The following USP34 variants were observed in gnomAD, a reference collection of about 807,000 sequenced individuals.
USP34 encodes the protein ubiquitin specific peptidase 34.
USP34 carries 70 observed loss-of-function variants against 460.3 expected under a neutral mutation model. The ratio of observed to expected loss-of-function variants is 0.15; its 90% CI spans 0.13 to 0.19. USP34 has a LOEUF of 0.19. Among genes scored for constraint, USP34 ranks in the 10% least tolerant of loss-of-function variants. The pLI, the probability that USP34 is intolerant of heterozygous loss-of-function variation, is 1.00. For missense variants in USP34, 3,985 were observed against 4,236.2 expected, an observed-to-expected ratio of 0.94 and a Z score of 1.65; for synonymous variants, 1,647 against 1,405.3, an observed-to-expected ratio of 1.17 and a Z score of -3.85.
At chr2:61,448,105 C>G (rs180674419) in intron 1 of USP34, among the ~76,000 whole-genome samples, 1 of 152,322 alleles carries the variant, frequency 6.6e-6, no homozygotes, top group Non-Finnish European at 1.5e-5. Flanking sequence ...ATGCCACTGT[C>G]TTTCTTCATA....
chr2:61,198,874 GTTTGC>G (rs1056006299), intron 75 of USP34, among the ~76,000 whole-genome samples: 1 of 151,868 alleles, frequency 6.6e-6, no homozygotes, highest in Non-Finnish European at 1.5e-5. Flanking sequence ...GTCTCAAATT[GTTTGC>G]TTTATTAGTA....
intron 27 of USP34, among the ~76,000 whole-genome samples, chr2:61,308,617 A>G (rs904028662): frequency 6.6e-6 from 1 of 152,226 alleles, no homozygotes; most frequent in Non-Finnish European, 1.5e-5. Flanking sequence ...TGCCAAACTG[A>G]AAGGGTCCAG....
intron 8 of USP34, among the ~76,000 whole-genome samples, chr2:61,371,300 C>T (rs1572976817): frequency 6.6e-6 from 1 of 151,852 alleles, no homozygotes; most frequent in African/African-American, 2.4e-5. Flanking sequence ...CATGTACATA[C>T]AGTATATAAT....
intron 8 of USP34, among the ~76,000 whole-genome samples, chr2:61,376,979 T>C (rs573965274): frequency 9.2e-5 from 14 of 152,350 alleles, no homozygotes; most frequent in African/African-American, 2.4e-4. Context: ...GGATATCGTC[T>C]ACATAATGTC....
At chr2:61,283,314 A>G (rs1689590346) in intron 36 of USP34, 45 bp from the exon 37 acceptor site, 1 of 1,594,028 alleles carries the variant, frequency 6.3e-7, no homozygotes, top group Admixed American at 1.7e-5. Context: ...GGTTTGTGCT[A>G]AAATGAAAAC....
chr2:61,324,987 C>G (rs1173849271), intron 21 of USP34, among the ~76,000 whole-genome samples: 1 of 152,016 alleles, frequency 6.6e-6, no homozygotes, highest in Non-Finnish European at 1.5e-5. Context: ...AGTGAACTAA[C>G]TCAGAAACAG....
At chr2:61,447,727 T>C (rs1297588191) in intron 1 of USP34, among the ~76,000 whole-genome samples, 2 of 152,178 alleles carry the variant, frequency 1.3e-5, no homozygotes, top group African/African-American at 2.4e-5. Flanking sequence ...TTTATTTATT[T>C]ATTTATTTGA....
At chr2:61,353,282 C>T (rs1692001684) in intron 10 of USP34, among the ~76,000 whole-genome samples, 1 of 151,980 alleles carries the variant, frequency 6.6e-6, no homozygotes, top group South Asian at 2.1e-4. Context: ...GAAATGATTA[C>T]TAGAGGTCTT....
intron 27 of USP34, among the ~76,000 whole-genome samples, chr2:61,304,294 T>C (rs1247637317): frequency 1.3e-5 from 2 of 152,220 alleles, no homozygotes; most frequent in Non-Finnish European, 2.9e-5. Flanking sequence ...CATGATTAAT[T>C]GCTACTCTAA....
intron 2 of USP34, among the ~76,000 whole-genome samples, chr2:61,410,313 T>C (rs768722819): frequency 1.3e-5 from 2 of 152,192 alleles, no homozygotes; most frequent in Non-Finnish European, 2.9e-5. Context: ...GTGTGCAACC[T>C]AGATCCCTCA....
chr2:61,362,837 A>G (rs1446214819), intron 10 of USP34, among the ~76,000 whole-genome samples: 1 of 152,226 alleles, frequency 6.6e-6, no homozygotes, highest in Non-Finnish European at 1.5e-5. Flanking sequence ...ATGCACATTA[A>G]AACATCAAGT....
chr2:61,378,411 G>A lies in USP34; in HGVS notation c.1028C>T (p.Thr343Ile). Residue 343 changes from threonine (T) to isoleucine (I), a missense_variant, in exon 8 of 80, where the codon ACC (threonine) becomes ATC (isoleucine). By Grantham distance (89) the Thr-to-Ile change is moderately conservative (BLOSUM62 -1). Transcript: ENST00000398571. ...GLSQITNQLH[T>I]FNDVCNNESL... ...TTCATTATTGCACACATCATTGAAG[G>A]TATGGAGTTGATTCTATGATTAAAG... is the stretch of plus-strand genomic sequence containing the variant. The A allele has an allele frequency of 6.3e-7, 1 of 1,589,748 alleles. No individual in the cohort carries two copies. Among genetic ancestry groups the A allele is most frequent in the Non-Finnish European group, 8.5e-7 (1 of 1,172,348 alleles).
At chr2:61,447,072 T>C (rs1033475353) in intron 1 of USP34, among the ~76,000 whole-genome samples, 2 of 151,796 alleles carry the variant, frequency 1.3e-5, no homozygotes. Context: ...GTAGCTAACA[T>C]GGTGAAACAC....
intron 16 of USP34, among the ~76,000 whole-genome samples, chr2:61,343,365 C>G (rs1462783218): frequency 6.6e-6 from 1 of 152,048 alleles, no homozygotes; most frequent in African/African-American, 2.4e-5. Flanking sequence ...CTCGCCCCTC[C>G]TTATTCCCTC....
intron 41 of USP34, among the ~76,000 whole-genome samples, chr2:61,272,881 G>A (rs1689257736): frequency 6.6e-6 from 1 of 152,168 alleles, no homozygotes; most frequent in Non-Finnish European, 1.5e-5. Flanking sequence ...ATTACTTGCA[G>A]ATGATTGTGA....
At chr2:61,265,588 C>A (rs767622753) in intron 42 of USP34, 31 bp from the exon 43 acceptor site, 26 of 1,569,734 alleles carry the variant, frequency 1.7e-5, no homozygotes, top group Non-Finnish European at 2.2e-5. Context: ...AAAAGATCCC[C>A]CCCAAACAAA....
Position 61,190,911 on chromosome 2 carries a change from A to C in USP34, c.9589-253T>G, listed in dbSNP as rs910764966. The C allele has an allele frequency of 7.3e-5, 25 of 342,890 alleles. 1 individual carries two copies. Among genetic ancestry groups the C allele is most frequent in the Admixed American group, 3.5e-4 (8 of 22,600 alleles). The allele number at this position is 342,890 out of a possible 1,614,324, so 21.2% of individuals were successfully genotyped here. Reference sequence around the variant, plus strand: ...AGACACTGATGCCGAAACTGAACAAATGTTTTAAAAGAAATGCAGGTTTAT... The same window carrying C: ...AGACACTGATGCCGAAACTGAACAACTGTTTTAAAAGAAATGCAGGTTTAT... On this transcript the variant is annotated intron_variant, in intron 76 of 79. Transcript: ENST00000398571.
At chr2:61,427,050 C>T (rs949431728) in intron 1 of USP34, among the ~76,000 whole-genome samples, 3 of 152,054 alleles carry the variant, frequency 2.0e-5, no homozygotes, top group African/African-American at 7.2e-5. Flanking sequence ...AAGTTTTTTT[C>T]TTTTTGACAT....
intron 53 of USP34, among the ~76,000 whole-genome samples, chr2:61,241,164 C>T (rs903092842): frequency 6.6e-6 from 1 of 152,160 alleles, no homozygotes; most frequent in African/African-American, 2.4e-5. Flanking sequence ...CTGCCTCAGC[C>T]TCCCAAGCAG....
Sources: allele counts gnomAD v4.1 joint callset (sites outside exome capture counted in the v4.1 genomes callset), GRCh38; gene constraint gnomAD v4.1.1; transcripts MANE v1.5; gene names NCBI Gene and HGNC (gene_info 2026-07-23, HGNC 2026-07-21).